Variants in FANCI observed in about 807,000 individuals in gnomAD.
FANCI encodes the protein FA complementation group I, also known as Fanconi anemia group I protein.
FANCI carries 156 observed loss-of-function variants against 176.1 expected under a neutral mutation model. The observed-to-expected ratio is 0.89, with a 90% CI of 0.78 to 1.01. The LOEUF (loss-of-function observed/expected upper bound fraction) is 1.01. Among genes scored for constraint, FANCI ranks in the 50% least tolerant of loss-of-function variants. The pLI is 0.00. For synonymous variants in FANCI, 613 were observed against 541.7 expected, an observed-to-expected ratio of 1.13 and a Z score of -1.83; for missense variants, 1,678 against 1,534.1, an observed-to-expected ratio of 1.09 and a Z score of -1.57.
At chr15:89,302,798 C>T (rs1164095941) in intron 27 of FANCI, among the ~76,000 whole-genome samples, 1 of 152,168 alleles carries the variant, frequency 6.6e-6, no homozygotes, top group African/African-American at 2.4e-5. Flanking sequence ...TGATCTCGAT[C>T]TCCTGACCTC....
chr15:89,297,097 G>C (rs1426883086), intron 24 of FANCI, among the ~76,000 whole-genome samples: 2 of 148,116 alleles, frequency 1.4e-5, no homozygotes, highest in Admixed American at 1.3e-4. Flanking sequence ...GCTGCCGGGC[G>C]GAGGGGCTCC....
chr15:89,247,374 A>G (rs1016305068), intron 1 of FANCI, among the ~76,000 whole-genome samples: 2 of 152,186 alleles, frequency 1.3e-5, no homozygotes, highest in African/African-American at 4.8e-5. Context: ...TTATGAAACC[A>G]CTTGATTAGA....
intron 28 of FANCI, 104 bp downstream of exon 28, chr15:89,304,019 G>GA: frequency 9.0e-7 from 1 of 1,109,720 alleles, no homozygotes; most frequent in South Asian, 1.3e-5. Flanking sequence ...ACATTCACCA[G>GA]AGTGGCCAAA....
At chr15:89,269,697 G>A (rs1382434734) in intron 10 of FANCI, among the ~76,000 whole-genome samples, 2 of 152,194 alleles carry the variant, frequency 1.3e-5, no homozygotes, top group East Asian at 3.8e-4. Context: ...TACGGTTCCA[G>A]CAAGAAGGCA....
intron 17 of FANCI, among the ~76,000 whole-genome samples, chr15:89,284,540 G>A (rs1024699321): frequency 1.3e-5 from 2 of 152,324 alleles, no homozygotes; most frequent in East Asian, 1.9e-4. Context: ...AACCAAGAAA[G>A]GGTGGAAGAA....
At chr15:89,274,599 CTTTTTT>C (rs1157910630) in intron 12 of FANCI, among the ~76,000 whole-genome samples, 5 of 82,834 alleles carry the variant, frequency 6.0e-5, no homozygotes, top group East Asian at 3.9e-4. Context: ...TCTTTCTTTC[CTTTTTT>C]TTTTTTTTTT....
At chr15:89,285,970 C>T (rs944402828) in intron 18 of FANCI, among the ~76,000 whole-genome samples, 4 of 147,250 alleles carry the variant, frequency 2.7e-5, no homozygotes, top group African/African-American at 1.0e-4. Context: ...ACTTTCCAAA[C>T]ATTGTTCCAA....
chr15:89,306,458 GA>G (rs1300772923), intron 32 of FANCI, among the ~76,000 whole-genome samples: 1 of 152,144 alleles, frequency 6.6e-6, no homozygotes, highest in Non-Finnish European at 1.5e-5. Flanking sequence ...TTGGTAGGCT[GA>G]GACGGGCGGA....
In FANCI at chr15:89,247,609, C is replaced by G. The variant is rs1214492089; in HGVS notation, c.-19-20C>G. ...TTATTTCTGGAATCTTCACCCACCT[C>G]TGACGTTTTTCCCTTGTAGTTCTGT... is the stretch of plus-strand genomic sequence containing the variant. On this transcript the variant is annotated intron_variant, in intron 1 of 37. Transcript: ENST00000310775. The G allele has an allele frequency of 3.2e-6, 5 of 1,546,354 alleles. No individual in the cohort carries two copies. The highest frequency in any genetic ancestry group is 3.6e-6 in the Non-Finnish European group (4 of 1,118,360).
chr15:89,277,445 A>G (rs2053449454), intron 13 of FANCI, among the ~76,000 whole-genome samples: 1 of 151,992 alleles, frequency 6.6e-6, no homozygotes, highest in African/African-American at 2.4e-5. Context: ...GCGAAACCTC[A>G]TCTCTACAAA....
At position 89,300,110 on chromosome 15, in the gene FANCI, G is replaced by A. The variant is rs556147432; in HGVS notation, c.2803+144G>A. On this transcript the variant is annotated intron_variant, in intron 25 of 37. Transcript: ENST00000310775. ...GTGACATCTAGTGGATTCAGGATTG[G>A]TACCTACTGGATTACATTCAACCAC... is the stretch of plus-strand genomic sequence containing the variant. 9.5e-6 allele frequency: 10 copies of A among 1,047,396 alleles called. No individual in the cohort carries two copies. The African/African-American group carries it at 1.1e-4, about 12-fold the overall frequency. 64.9% of individuals were successfully genotyped at this position (1,047,396 alleles called of 1,614,324 possible).
intron 17 of FANCI, among the ~76,000 whole-genome samples, chr15:89,283,969 A>C (rs1234490312): frequency 1.3e-5 from 2 of 151,868 alleles, no homozygotes; most frequent in Non-Finnish European, 2.9e-5. Flanking sequence ...TCATTGTGTT[A>C]GTCAGGAGGT....
chr15:89,268,651 C>T (rs1596258784), intron 10 of FANCI, 126 bp downstream of exon 10: 44 of 935,604 alleles, frequency 4.7e-5, no homozygotes, highest in African/African-American at 7.0e-5. Flanking sequence ...TGGAGGATCT[C>T]TTTTTTTTTT....
In FANCI at chr15:89,250,053, C is replaced by T. The variant is rs181926739; in HGVS notation, c.84+2322C>T. Among the ~76,000 whole-genome samples the T allele has an allele frequency of 3.2e-3, 485 of 152,156 alleles. 3 individuals are homozygous for T. Among genetic ancestry groups the T allele is most frequent in the Non-Finnish European group, 3.2e-3 (215 of 67,994 alleles). ...ATGCAATAAAACTGGAAATGAAAAC[C>T]GAAACTAAAAGTCAAAAAGCAAAGA... On this transcript the variant is annotated intron_variant, in intron 2 of 37. Coordinates refer to ENST00000310775, the MANE Select transcript of FANCI (RefSeq NM_001113378.2).
Position 89,293,081 on chromosome 15 carries a change from C to T in FANCI, c.2291+18C>T. 1.2e-6 allele frequency: 2 copies of T among 1,611,494 alleles called. No homozygotes were observed. Among genetic ancestry groups the T allele is most frequent in the South Asian group, 1.1e-5 (1 of 90,940 alleles). The stretch of plus-strand genomic sequence containing the variant: ...AGTTTCAGGTAAGGTTTTGCTATAA[C>T]TCCATTTGTAATTTGATGAATTCTC... On this transcript the variant is annotated intron_variant, in intron 22 of 37. Transcript: ENST00000310775.
rs1298378689 is a variant in FANCI, at chr15:89,270,797, C to T, written c.882+2272C>T. Among the ~76,000 whole-genome samples, 2 of 152,150 alleles carry T rather than the reference C, an allele frequency of 1.3e-5. 1 individual carries two copies. The highest frequency in any genetic ancestry group is 4.1e-4 in the South Asian group (2 of 4,832). Reference sequence around the variant, plus strand: ...CTTATGTGTTCTTTTGATGTGACCCCATTTAGTCTTTGAGCTTGTGGCATG... The same window carrying T: ...CTTATGTGTTCTTTTGATGTGACCCTATTTAGTCTTTGAGCTTGTGGCATG... On this transcript the variant is annotated intron_variant, in intron 10 of 37. Coordinates refer to ENST00000310775, the MANE Select transcript of FANCI (RefSeq NM_001113378.2).
intron 34 of FANCI, among the ~76,000 whole-genome samples, chr15:89,310,804 C>T (rs1003571991): frequency 6.6e-6 from 1 of 152,232 alleles, no homozygotes; most frequent in African/African-American, 2.4e-5. Flanking sequence ...TCTTAGCATC[C>T]TGCCCAGAAC....
chr15:89,263,282 T>A (rs1234266565), intron 6 of FANCI, 137 bp from the exon 7 acceptor site: 3 of 698,272 alleles, frequency 4.3e-6, no homozygotes, highest in African/African-American at 1.8e-5. Flanking sequence ...TTGTTTTAAA[T>A]GGTATTTATT....
At chr15:89,256,825 T>G (rs2052514803) in intron 2 of FANCI, among the ~76,000 whole-genome samples, 2 of 152,244 alleles carry the variant, frequency 1.3e-5, no homozygotes, top group African/African-American at 4.8e-5. Context: ...TCCCAAATTT[T>G]CAGCACGTAA....
Sources: allele counts gnomAD v4.1 joint callset (sites outside exome capture counted in the v4.1 genomes callset), GRCh38; gene constraint gnomAD v4.1.1; transcripts MANE v1.5; gene names NCBI Gene and HGNC (gene_info 2026-07-23, HGNC 2026-07-21).